The following HEPH variants were observed in gnomAD, a reference collection of about 807,000 sequenced individuals.
The protein encoded by HEPH is hephaestin.
In HEPH, 69 loss-of-function variants were observed where a neutral mutation model predicts 80.8. The observed-to-expected ratio is 0.85, with a 90% CI of 0.70 to 1.04. The LOEUF (loss-of-function observed/expected upper bound fraction) is 1.04. HEPH is among the 50% of genes least tolerant of loss of function. The pLI is 0.00. For missense variants in HEPH, 1,115 were observed against 891.3 expected, an observed-to-expected ratio of 1.25 and a Z score of -3.20; for synonymous variants, 431 against 322.8, an observed-to-expected ratio of 1.34 and a Z score of -3.60.
At position 66,172,376 on chromosome X, in the gene HEPH, G is replaced by A. The variant is rs1400484510; in HGVS notation, c.189G>A (p.Lys63=). ...DSDIVASSFL[K]SDKNRIGGTY... Reference sequence around the variant, plus strand: ...CCAGAGTGGCTTCCAGCTTCTTAAAGTCTGACAAGAACCGGATAGGGGGAA... The same window carrying A: ...CCAGAGTGGCTTCCAGCTTCTTAAAATCTGACAAGAACCGGATAGGGGGAA... Residue 63 remains lysine (K), a synonymous_variant, in exon 3 of 21, where the codon AAG becomes AAA. Coordinates refer to ENST00000343002, the MANE Select transcript of HEPH (RefSeq NM_001367233.3). 8.5e-7 allele frequency: 1 copy of A among 1,181,004 alleles called. No homozygotes were observed. Among genetic ancestry groups the A allele is most frequent in the Non-Finnish European group, 1.1e-6 (1 of 880,820 alleles).
upstream of HEPH, chrX:66,163,000 C>T: frequency 3.4e-6 from 2 of 588,122 alleles, no homozygotes; most frequent in African/African-American, 2.3e-5. Context: ...ACAAATTGCT[C>T]CCCACTCATT....
At chrX:66,191,877 G>A (rs1368116646) in intron 6 of HEPH, among the ~76,000 whole-genome samples, 1 of 111,375 alleles carries the variant, frequency 9.0e-6, no homozygotes. Flanking sequence ...GAGCCTTTAT[G>A]AAGAGGCAGG....
At position 66,260,087 on chromosome X, in the gene HEPH, A is replaced by C. The variant is rs1275712964; in HGVS notation, c.3037-13A>C. 2 of 1,202,209 alleles carry C rather than the reference A, an allele frequency of 1.7e-6. No homozygotes were observed. Among genetic ancestry groups the C allele is most frequent in the Non-Finnish European group, 2.3e-6 (2 of 888,796 alleles). ...CTTCACTTCCTCTCCCTCATTCCCA[A>C]TCTCTCTTGCAGAATGGCGAGAACT... On this transcript the variant is annotated splice_polypyrimidine_tract_variant and intron_variant, in intron 18 of 20. Transcript: ENST00000343002.
chrX:66,246,093 C>G (rs1256625869), intron 15 of HEPH, among the ~76,000 whole-genome samples: 1 of 111,864 alleles, frequency 8.9e-6, no homozygotes, highest in Non-Finnish European at 1.9e-5. Flanking sequence ...AGAAGTGGGA[C>G]TGCTGGGTTG....
At position 66,256,296 on chromosome X, in the gene HEPH, G is replaced by A. The variant is rs369605239; in HGVS notation, c.2862G>A (p.Gln954=). 8.3e-7 allele frequency: 1 copy of A among 1,209,924 alleles called. No homozygotes were observed. The change falls in exon 17 of 21, where the codon CAG becomes CAA. Residue 954 remains glutamine, a synonymous_variant. Coordinates refer to ENST00000343002, the MANE Select transcript of HEPH (RefSeq NM_001367233.3). ...AGGATCCAGGCAGTATTAACCTACAGGATGAAACTTTCTTGGAGAGCAATA... is the reference window on the plus strand; with the variant it reads ...AGGATCCAGGCAGTATTAACCTACAAGATGAAACTTTCTTGGAGAGCAATA... ...GSQDPGSINL[Q]DETFLESNKM... is the part of the protein sequence containing the mutation.
chrX:66,249,351 G>T (rs1201569589), intron 15 of HEPH, among the ~76,000 whole-genome samples: 2 of 111,922 alleles, frequency 1.8e-5, no homozygotes, highest in East Asian at 5.6e-4. Flanking sequence ...CTGTCTCATA[G>T]GGATTTTGAA....
chrX:66,226,407 A>G (rs1475583813), intron 15 of HEPH, among the ~76,000 whole-genome samples: 2 of 112,267 alleles, frequency 1.8e-5, no homozygotes, highest in African/African-American at 6.5e-5. Context: ...ACAAGAACAA[A>G]TCAAGCCCAA....
chrX:66,164,584 C>A, intron 1 of HEPH, 114 bp downstream of exon 1: 1 of 509,238 alleles, frequency 2.0e-6, no homozygotes, highest in Non-Finnish European at 2.4e-6. Flanking sequence ...AGTCAGTGGC[C>A]AAAAAGTTGG....
At chrX:66,208,524 C>T (rs2088919056) in intron 15 of HEPH, among the ~76,000 whole-genome samples, 1 of 103,355 alleles carries the variant, frequency 9.7e-6, no homozygotes, top group African/African-American at 3.5e-5. Flanking sequence ...GAGGTTTAGG[C>T]AGGAGAATCT....
At chrX:66,162,797 T>C (rs1417430170), upstream of HEPH, 4 of 1,155,381 alleles carry the variant, frequency 3.5e-6, no homozygotes, top group Non-Finnish European at 4.6e-6. Flanking sequence ...CTCCAGACAC[T>C]TTAAATTCAG....
chrX:66,209,334 G>A (rs1331274862), intron 15 of HEPH, among the ~76,000 whole-genome samples: 1 of 112,229 alleles, frequency 8.9e-6, no homozygotes, highest in Non-Finnish European at 1.9e-5. Context: ...ATCACCTAGA[G>A]GCTTGCTAAA....
At chrX:66,193,811 A>G (rs2087941646) in intron 8 of HEPH, among the ~76,000 whole-genome samples, 173 bp downstream of exon 8, 1 of 112,083 alleles carries the variant, frequency 8.9e-6, no homozygotes, top group Non-Finnish European at 1.9e-5. Flanking sequence ...TGTGTTTTAA[A>G]ACCACTAAGT....
At position 66,192,251 on chromosome X, in the gene HEPH, G is replaced by A. The variant is rs1178514873; in HGVS notation, c.1185G>A (p.Pro395=). The A allele has an allele frequency of 3.3e-6, 4 of 1,210,414 alleles. No homozygotes were observed. The highest frequency in any genetic ancestry group is 3.5e-5 in the South Asian group (2 of 56,770). ...ATGAGATTCAATGGGACTATGGCCC[G>A]ATGGGGCATGATGGGAGTACTGGGA... ...EAHEIQWDYG[P]MGHDGSTGKN... The change falls in exon 7 of 21, where the codon CCG becomes CCA. Residue 395 remains proline (P), a synonymous_variant. Transcript: ENST00000343002.
At chrX:66,217,732 A>T (rs1231215910) in intron 15 of HEPH, among the ~76,000 whole-genome samples, 1 of 111,969 alleles carries the variant, frequency 8.9e-6, no homozygotes, top group East Asian at 2.8e-4. Context: ...CATTTAAAAG[A>T]TACAGAATAG....
chrX:66,267,957 A>G (rs957525395), downstream of HEPH: 2 of 111,741 alleles, frequency 1.8e-5, no homozygotes, highest in Non-Finnish European at 3.8e-5. Context: ...GAGAGAAAAG[A>G]TGATAACTAT....
In HEPH at chrX:66,235,380, G is replaced by A. The variant is rs137942913; in HGVS notation, c.2564-19655G>A. On this transcript the variant is annotated intron_variant, in intron 15 of 20. Transcript: ENST00000343002. ...TATTGAGTTGATTTTTGAATAAGGC[G>A]TAAGGAAGGGGTCCAGTTTCAGTCT... Among the ~76,000 whole-genome samples the A allele has an allele frequency of 9.2e-3, 1,024 of 111,904 alleles. 14 individuals carry two copies. Among genetic ancestry groups the A allele is most frequent in the African/African-American group, 0.03 (921 of 30,791 alleles).
intron 4 of HEPH, among the ~76,000 whole-genome samples, chrX:66,179,691 C>T (rs955182834): frequency 9.0e-6 from 1 of 111,091 alleles, no homozygotes; most frequent in African/African-American, 3.3e-5. Flanking sequence ...GTGTTTCTCC[C>T]ACTATTATTG....
chrX:66,250,122 G>T (rs1191440464), intron 15 of HEPH, among the ~76,000 whole-genome samples: 4 of 111,028 alleles, frequency 3.6e-5, no homozygotes, highest in African/African-American at 1.3e-4. Context: ...ATTCTACATG[G>T]TTTTTTTGTT....
chrX:66,166,243 G>C (rs1416728733), intron 1 of HEPH, among the ~76,000 whole-genome samples: 1 of 111,213 alleles, frequency 9.0e-6, no homozygotes, highest in Non-Finnish European at 1.9e-5. Context: ...GCCCAGGCTG[G>C]AGTGCAATGG....
Sources: allele counts gnomAD v4.1 joint callset (sites outside exome capture counted in the v4.1 genomes callset), GRCh38; gene constraint gnomAD v4.1.1; transcripts MANE v1.5; gene names NCBI Gene and HGNC (gene_info 2026-07-23, HGNC 2026-07-21).